Variants in TSPAN7 observed in about 807,000 individuals in gnomAD.
TSPAN7 encodes the protein tetraspanin 7, also known as tetraspanin-7.
A neutral mutation model predicts 17.6 loss-of-function variants in TSPAN7; 1 was observed. The observed-to-expected ratio is 0.06, with a 90% CI of 0.02 to 0.27. The LOEUF is 0.27. Among genes scored for constraint, TSPAN7 ranks in the 10% least tolerant of loss-of-function variants. The probability of loss-of-function intolerance (pLI) is 1.00; values close to 1 mark genes in which losing one functional copy is unlikely to be tolerated. For synonymous variants in TSPAN7, 78 were observed against 79.0 expected, an observed-to-expected ratio of 0.99 and a Z score of 0.07; for missense variants, 112 against 201.7, an observed-to-expected ratio of 0.56 and a Z score of 2.69.
intron 6 of TSPAN7, among the ~76,000 whole-genome samples, chrX:38,687,198 C>T (rs1355649808): frequency 8.9e-6 from 1 of 111,856 alleles, no homozygotes; most frequent in Non-Finnish European, 1.9e-5. Context: ...AAATTTTAGC[C>T]TTCTAGTTAA....
At chrX:38,566,454 G>A in intron 1 of TSPAN7, 1 of 560,842 alleles carries the variant, frequency 1.8e-6, no homozygotes, top group South Asian at 4.2e-5. Flanking sequence ...ATGAATTAAT[G>A]AATAAATGAA....
chrX:38,685,380 G>A (rs2069921482), intron 6 of TSPAN7, among the ~76,000 whole-genome samples: 1 of 112,247 alleles, frequency 8.9e-6, no homozygotes, highest in Non-Finnish European at 1.9e-5. Flanking sequence ...AGCACTTTGG[G>A]AGGCTGAGGC....
chrX:38,664,822 T>C (rs1314622876), intron 1 of TSPAN7, among the ~76,000 whole-genome samples: 2 of 112,000 alleles, frequency 1.8e-5, no homozygotes, highest in Non-Finnish European at 3.8e-5. Context: ...TCTCCCCCCA[T>C]ACAGGTAAAG....
intron 1 of TSPAN7, among the ~76,000 whole-genome samples, chrX:38,651,058 T>G (rs566350096): frequency 0.037 from 4,046 of 107,981 alleles, 173 homozygotes; most frequent in African/African-American, 0.13. Context: ...TACATATATA[T>G]ATATATATAT....
intron 1 of TSPAN7, among the ~76,000 whole-genome samples, chrX:38,626,489 C>T (rs939475025): frequency 2.7e-5 from 3 of 111,746 alleles, no homozygotes; most frequent in Non-Finnish European, 3.8e-5. Context: ...AGTGAAAGTG[C>T]AGTGATCCGG....
chrX:38,685,254 C>A (rs1173282600), intron 6 of TSPAN7, among the ~76,000 whole-genome samples: 1 of 111,668 alleles, frequency 9.0e-6, no homozygotes, highest in African/African-American at 3.3e-5. Context: ...GGGGTGTATT[C>A]TTTAACCTCT....
rs1028376547 is a variant in TSPAN7, at chrX:38,659,391, C to A, written c.82-6730C>A. Among the ~76,000 whole-genome samples, 4 of 111,648 alleles carry A rather than the reference C, an allele frequency of 3.6e-5. No homozygotes were observed. The Admixed American group carries it at 3.8e-4, about 11-fold the overall frequency. The stretch of plus-strand genomic sequence containing the variant: ...ATACAGGGAGAATCTTAGAAACTCT[C>A]TTTTGTTTGCTTAAAGGCACAGCTA... On this transcript the variant is annotated intron_variant, in intron 1 of 7. Transcript: ENST00000378482.
chrX:38,629,243 A>G (rs2069537595), intron 1 of TSPAN7, among the ~76,000 whole-genome samples: 1 of 112,535 alleles, frequency 8.9e-6, no homozygotes, highest in Non-Finnish European at 1.9e-5. Flanking sequence ...GCAATGAATC[A>G]CACAGACCTG....
chrX:38,622,320 G>A (rs762489545), intron 1 of TSPAN7, among the ~76,000 whole-genome samples: 10 of 112,513 alleles, frequency 8.9e-5, no homozygotes, highest in African/African-American at 3.2e-4. Flanking sequence ...GCCAAGGCAG[G>A]AAGGTAGCTT....
intron 1 of TSPAN7, among the ~76,000 whole-genome samples, chrX:38,583,847 G>A (rs1333633480): frequency 9.1e-6 from 1 of 109,585 alleles, no homozygotes; most frequent in African/African-American, 3.3e-5. Flanking sequence ...TTGGTTTGCT[G>A]TCACTCTCCC....
chrX:38,586,510 AT>A (rs1346694154), intron 1 of TSPAN7, among the ~76,000 whole-genome samples: 1 of 112,391 alleles, frequency 8.9e-6, no homozygotes, highest in Admixed American at 9.4e-5. Context: ...TTTAAACTGC[AT>A]TTTGTTAGTT....
At chrX:38,583,949 C>CTTTTTTTTT (rs34777484) in intron 1 of TSPAN7, among the ~76,000 whole-genome samples, 6 of 66,971 alleles carry the variant, frequency 9.0e-5, no homozygotes, top group African/African-American at 1.2e-4. Flanking sequence ...TTTTTCTTTT[C>CTTTTTTTTT]TTTTTTTTTT....
chrX:38,594,500 A>G (rs1237461998), intron 1 of TSPAN7, among the ~76,000 whole-genome samples: 1 of 110,927 alleles, frequency 9.0e-6, no homozygotes, highest in Non-Finnish European at 1.9e-5. Flanking sequence ...TGTTCTTAGC[A>G]CCCCTTCCCA....
chrX:38,674,140 T>C lies in TSPAN7; in HGVS notation c.346-81T>C. 3 of 739,011 alleles carry C rather than the reference T, an allele frequency of 4.1e-6. No homozygotes were observed. The African/African-American group carries it at 6.3e-5, about 15-fold the overall frequency. 60.9% of individuals were successfully genotyped at this position (739,011 alleles called of 1,213,427 possible). A position where few individuals can be genotyped will look rare whatever the true frequency, so the allele number is the denominator to read the frequency against. On this transcript the variant is annotated intron_variant, in intron 3 of 7. Coordinates refer to ENST00000378482, the MANE Select transcript of TSPAN7 (RefSeq NM_004615.4). ...ATACAGAGACTTTCAGAAGAGGCTA[T>C]GTTAGGGTAGAATTTGGTAAGAATT...
At chrX:38,621,413 G>T (rs561016316) in intron 1 of TSPAN7, among the ~76,000 whole-genome samples, 40 of 112,129 alleles carry the variant, frequency 3.6e-4, no homozygotes, top group African/African-American at 1.3e-3. Flanking sequence ...GTCTGCCTTT[G>T]TAGCTATATG....
chrX:38,612,017 G>A (rs2069421772), intron 1 of TSPAN7, among the ~76,000 whole-genome samples: 1 of 111,548 alleles, frequency 9.0e-6, no homozygotes, highest in Non-Finnish European at 1.9e-5. Context: ...AAACCAAGCA[G>A]CAAGCACAAA....
At chrX:38,662,755 G>C (rs1464265468) in intron 1 of TSPAN7, among the ~76,000 whole-genome samples, 1 of 111,060 alleles carries the variant, frequency 9.0e-6, no homozygotes, top group Non-Finnish European at 1.9e-5. Context: ...TGGTTCATCA[G>C]GAGTGTTTGA....
In TSPAN7 at chrX:38,674,250, G is replaced by A. The variant is rs11541004; in HGVS notation, c.375G>A (p.Thr125=). ...AGGACACCTTCCTGAGGACTTACAC[G>A]GACGCTATGCAGACTTACAATGGCA... ...EIKDTFLRTY[T]DAMQTYNGND... is the part of the protein sequence containing the mutation. The change falls in exon 4 of 8, where the codon ACG becomes ACA. Residue 125 remains threonine, a synonymous_variant. Transcript: ENST00000378482. The A allele has an allele frequency of 5.3e-5, 63 of 1,198,604 alleles. No individual in the cohort carries two copies. Among genetic ancestry groups the A allele is most frequent in the Middle Eastern group, 2.3e-4 (1 of 4,339 alleles).
At chrX:38,574,960 T>A (rs1196483701) in intron 1 of TSPAN7, among the ~76,000 whole-genome samples, 3 of 110,847 alleles carry the variant, frequency 2.7e-5, no homozygotes, top group Non-Finnish European at 5.7e-5. Flanking sequence ...CATATGACTA[T>A]GTGTGCATGA....
Sources: allele counts gnomAD v4.1 joint callset (sites outside exome capture counted in the v4.1 genomes callset), GRCh38; gene constraint gnomAD v4.1.1; transcripts MANE v1.5; gene names NCBI Gene and HGNC (gene_info 2026-07-23, HGNC 2026-07-21).